The following PCDHGA4 variants were observed in gnomAD, a reference collection of about 807,000 sequenced individuals.
PCDHGA4 encodes protocadherin gamma-A4.
PCDHGA4 carries 38 observed loss-of-function variants against 54.6 expected under a neutral mutation model. The ratio of observed to expected loss-of-function variants is 0.70; its 90% CI spans 0.54 to 0.91. The LOEUF (loss-of-function observed/expected upper bound fraction) is 0.91. Ranked by LOEUF, PCDHGA4 falls within the 40% of genes least tolerant of loss-of-function variation. PCDHGA4 has a pLI of 0.00. For synonymous variants in PCDHGA4, 511 were observed against 512.9 expected (o/e 1.00, Z 0.05); for missense variants, 1,298 against 1,220.9 (o/e 1.06, Z -0.94).
intron 1 of PCDHGA4, chr5:141,418,509 G>T: frequency 6.2e-7 from 1 of 1,613,986 alleles, no homozygotes; most frequent in Non-Finnish European, 8.5e-7. Flanking sequence ...GCCTTAGATG[G>T]TGGGGACCCT....
chr5:141,376,948 A>T (rs1369934638), intron 1 of PCDHGA4: 1 of 164,970 alleles, frequency 6.1e-6, no homozygotes, highest in South Asian at 1.6e-4. Context: ...CGGCCTCCCA[A>T]AGTGCTGGGA....
intron 1 of PCDHGA4, chr5:141,390,422 G>A: frequency 9.3e-7 from 1 of 1,071,928 alleles, no homozygotes; most frequent in South Asian, 1.6e-5. Flanking sequence ...CAGTTAAAAA[G>A]CTGTCATATC....
At chr5:141,372,930 T>C (rs1381737731) in intron 1 of PCDHGA4, 2 of 884,806 alleles carry the variant, frequency 2.3e-6, no homozygotes, top group East Asian at 2.7e-5. Flanking sequence ...TTTTCTGGTG[T>C]AGAGTAGGGT....
intron 1 of PCDHGA4, chr5:141,415,740 G>GTTTTTTGTTT (rs2095911797): frequency 3.9e-6 from 2 of 515,998 alleles, no homozygotes; most frequent in African/African-American, 2.8e-5. Context: ...GTTTATTAAG[G>GTTTTTTGTTT]TTTTTTTTTT....
rs375080564 is a variant in PCDHGA4 at position 141,486,676 on chromosome 5, T to C, written c.2515-8131T>C. On this transcript the variant is annotated intron_variant, in intron 1 of 3. Transcript: ENST00000571252. The surrounding 1 kb of genome is among the most constrained non-coding windows in gnomAD (Gnocchi z 5.0). ...CACTCCTGGAGCCCAGGAATCGAGA[T>C]GTATCAGCTTCCTCTTTCATCTCTC... The C allele has an allele frequency of 6.2e-7, 1 of 1,614,120 alleles. No homozygotes were observed. The highest frequency in any genetic ancestry group is 1.7e-5 in the Admixed American group (1 of 60,032).
intron 2 of PCDHGA4, among the ~76,000 whole-genome samples, chr5:141,503,611 A>AG (rs992110793): frequency 6.6e-6 from 1 of 151,948 alleles, no homozygotes; most frequent in Non-Finnish European, 1.5e-5. Flanking sequence ...AAAAAAAAAA[A>AG]AAAGAAAAAA....
intron 1 of PCDHGA4, chr5:141,403,903 G>T: frequency 1.2e-6 from 2 of 1,613,804 alleles, no homozygotes; most frequent in Non-Finnish European, 1.7e-6. Context: ...TTTATGAAAT[G>T]GAAATACAAG....
intron 1 of PCDHGA4, chr5:141,399,613 G>A: frequency 6.2e-7 from 1 of 1,613,928 alleles, no homozygotes; most frequent in Non-Finnish European, 8.5e-7. Context: ...AGAGCCTCTG[G>A]CACTGGCCTC....
Position 141,388,684 on chromosome 5 carries a change from C to T in PCDHGA4, c.2514+31063C>T, listed in dbSNP as rs1458700152. 1.2e-5 allele frequency: 19 copies of T among 1,613,818 alleles called. No homozygotes were observed. Among genetic ancestry groups the T allele is most frequent in the African/African-American group, 2.7e-5 (2 of 74,912 alleles). On this transcript the variant is annotated intron_variant, in intron 1 of 3. Coordinates refer to ENST00000571252, the MANE Select transcript of PCDHGA4 (RefSeq NM_018917.4). ...ACCACGGTGCTACAGGTGACTGCCA[C>T]GGACCAGGATGAGGGTGTCAATGCC...
At chr5:141,386,930 G>A (rs555182145) in intron 1 of PCDHGA4, among the ~76,000 whole-genome samples, 29 of 152,300 alleles carry the variant, frequency 1.9e-4, no homozygotes, top group African/African-American at 6.0e-4. Flanking sequence ...AATAAGTGCA[G>A]AGGTAGGAAG....
In PCDHGA4 at chr5:141,477,850, G is replaced by C. The variant is rs2099420608; in HGVS notation, c.2515-16957G>C. On this transcript the variant is annotated intron_variant, in intron 1 of 3. Coordinates refer to ENST00000571252, the MANE Select transcript of PCDHGA4 (RefSeq NM_018917.4). The surrounding 1 kb of genome is among the most constrained non-coding windows in gnomAD (Gnocchi z 4.9). Reference sequence around the variant, plus strand: ...CTCGGCCAGGTGGGAGCTCGGTGGAGATGCTGCCTCGAGGTACCTCAGCTG... The same window carrying C: ...CTCGGCCAGGTGGGAGCTCGGTGGACATGCTGCCTCGAGGTACCTCAGCTG... 6.2e-6 allele frequency: 10 copies of C among 1,613,328 alleles called. No individual in the cohort carries two copies. Among genetic ancestry groups the C allele is most frequent in the Non-Finnish European group, 7.6e-6 (9 of 1,179,812 alleles).
chr5:141,413,921 C>G, intron 1 of PCDHGA4: 2 of 1,613,360 alleles, frequency 1.2e-6, no homozygotes, highest in Middle Eastern at 1.6e-4. Flanking sequence ...TTCACCTTGC[C>G]AGAATACCGA....
rs1241912384 is a variant in PCDHGA4 at position 141,404,765 on chromosome 5, T to C, written c.2514+47144T>C. ...AGACTCAGGCCAGAATGCTTGGCTC[T>C]CCTACCGCCTATTCAAGGCCAGTGA... On this transcript the variant is annotated intron_variant, in intron 1 of 3. Coordinates refer to ENST00000571252, the MANE Select transcript of PCDHGA4 (RefSeq NM_018917.4). 2.5e-6 allele frequency: 4 copies of C among 1,613,120 alleles called. No individual in the cohort carries two copies. The Admixed American group carries it at 6.7e-5, about 27-fold the overall frequency.
intron 1 of PCDHGA4, chr5:141,478,541 G>T (rs905837179): frequency 1.2e-6 from 2 of 1,605,590 alleles, no homozygotes; most frequent in Non-Finnish European, 1.7e-6. Flanking sequence ...CGCCCCTCCC[G>T]GACAGGTAAG....
At chr5:141,427,951 A>G in intron 1 of PCDHGA4, 1 of 1,586,612 alleles carries the variant, frequency 6.3e-7, no homozygotes, top group Non-Finnish European at 8.6e-7. Flanking sequence ...CTCAATGACA[A>G]TGTGCCGCGG....
At chr5:141,441,797 G>T in intron 1 of PCDHGA4, 1 of 386,536 alleles carries the variant, frequency 2.6e-6, no homozygotes, top group Non-Finnish European at 5.2e-6. Context: ...ACAACGCACC[G>T]CGGGTGCTGT....
chr5:141,433,093 G>A (rs1203083573), intron 1 of PCDHGA4: 4 of 1,614,206 alleles, frequency 2.5e-6, no homozygotes, highest in Admixed American at 1.7e-5. Flanking sequence ...ATGCAGACAT[G>A]CTCGTCAGCC....
intron 1 of PCDHGA4, chr5:141,419,710 C>T: frequency 6.2e-7 from 1 of 1,613,168 alleles, no homozygotes; most frequent in South Asian, 1.1e-5. Context: ...CCGGGCTCTT[C>T]AGCCTGGGGC....
At chr5:141,414,762 T>G in intron 1 of PCDHGA4, 1 of 1,614,210 alleles carries the variant, frequency 6.2e-7, no homozygotes. Context: ...ATGAGCAGTT[T>G]CATGAGCTAC....
Sources: gnomAD v4.1 joint callset for allele counts (sites outside exome capture counted in the v4.1 genomes callset) on GRCh38, gnomAD v4.1.1 for gene constraint, Gnocchi (gnomAD v3.1) non-coding constraint, MANE v1.5 for transcripts, NCBI Gene and HGNC (gene_info 2026-07-23, HGNC 2026-07-21) for gene names.